DLC1: variants seen among roughly 807,000 people sequenced by gnomAD.
DLC1 encodes the protein DLC1 Rho GTPase activating protein, also known as rho GTPase-activating protein 7.
DLC1 carries 54 observed loss-of-function variants against 140.3 expected under a neutral mutation model. The observed-to-expected ratio is 0.38, with a 90% CI of 0.31 to 0.48. The LOEUF (loss-of-function observed/expected upper bound fraction) is 0.48. DLC1 is among the 20% of genes least tolerant of loss of function. The pLI, the probability that DLC1 is intolerant of heterozygous loss-of-function variation, is 0.96. For synonymous variants in DLC1, 986 were observed against 728.1 expected (o/e 1.35, Z -5.70); for missense variants, 2,536 against 1,907.0 (o/e 1.33, Z -6.14).
intron 1 of DLC1, among the ~76,000 whole-genome samples, chr8:13,541,383 C>T (rs1803479294): frequency 6.6e-6 from 1 of 152,170 alleles, no homozygotes; most frequent in Non-Finnish European, 1.5e-5. Context: ...CCAAACTGTT[C>T]CAATGTGGCT....
At chr8:13,092,851 T>C in intron 12 of DLC1, 26 bp from the exon 13 acceptor site, 2 of 1,600,882 alleles carry the variant, frequency 1.2e-6, no homozygotes, top group South Asian at 1.1e-5. Flanking sequence ...ACTTTCTCCA[T>C]CAGCTTGGTG....
At chr8:13,521,195 G>A (rs1563417790) in intron 1 of DLC1, among the ~76,000 whole-genome samples, 1 of 152,000 alleles carries the variant, frequency 6.6e-6, no homozygotes. Context: ...AAAGGGAGCT[G>A]AACAATGAAA....
chr8:13,435,780 G>T (rs1839094067), intron 2 of DLC1, among the ~76,000 whole-genome samples: 1 of 152,184 alleles, frequency 6.6e-6, no homozygotes, highest in African/African-American at 2.4e-5. Context: ...TGAAAGATAT[G>T]CTACTCTGGG....
chr8:13,390,996 G>GGA (rs1554510891), intron 4 of DLC1, among the ~76,000 whole-genome samples: 2 of 141,252 alleles, frequency 1.4e-5, no homozygotes, highest in Non-Finnish European at 3.0e-5. Flanking sequence ...AAAAAAAAAA[G>GGA]AAAAAAAAAA....
At chr8:13,171,513 C>A (rs529807190) in intron 5 of DLC1, among the ~76,000 whole-genome samples, 1 of 152,284 alleles carries the variant, frequency 6.6e-6, no homozygotes, top group African/African-American at 2.4e-5. Context: ...GTCTCAGCCT[C>A]ATGAGTAGCT....
rs77520072 is a variant in DLC1, at chr8:13,444,573, T to C, written c.1024-42954A>G. Among the ~76,000 whole-genome samples the C allele has an allele frequency of 3.1e-4, 47 of 152,314 alleles. No individual in the cohort carries two copies. The East Asian group carries it at 8.9e-3, about 29-fold the overall frequency. On this transcript the variant is annotated intron_variant, in intron 2 of 17. Transcript: ENST00000276297. Reference sequence around the variant, plus strand: ...CTACGAAAGGAACAAAGAACATTAGTATAATTTTAAAAAATCTTTAATTAT... The same window carrying C: ...CTACGAAAGGAACAAAGAACATTAGCATAATTTTAAAAAATCTTTAATTAT...
At chr8:13,402,038 T>A (rs922998710) in intron 2 of DLC1, among the ~76,000 whole-genome samples, 2 of 152,188 alleles carry the variant, frequency 1.3e-5, no homozygotes, top group African/African-American at 2.4e-5. Context: ...TTTGGAAGAC[T>A]CTTTTGCAGT....
chr8:13,409,397 C>T (rs1171901304), intron 2 of DLC1, among the ~76,000 whole-genome samples: 1 of 152,100 alleles, frequency 6.6e-6, no homozygotes, highest in African/African-American at 2.4e-5. Flanking sequence ...GTCATCCTCT[C>T]CCTCATTTGC....
chr8:13,576,489 A>C (rs1393898066), intron 1 of DLC1, among the ~76,000 whole-genome samples: 1 of 152,340 alleles, frequency 6.6e-6, no homozygotes, highest in Admixed American at 6.5e-5. Context: ...AAATGTAAAC[A>C]TAGAAATATG....
intron 1 of DLC1, among the ~76,000 whole-genome samples, chr8:13,564,714 G>T (rs1211443329): frequency 6.6e-6 from 1 of 152,152 alleles, no homozygotes; most frequent in Non-Finnish European, 1.5e-5. Context: ...CCTCTTTCTG[G>T]GGTTGGCCTT....
chr8:13,585,738 C>A (rs1364761798), intron 1 of DLC1, among the ~76,000 whole-genome samples: 1 of 152,054 alleles, frequency 6.6e-6, no homozygotes, highest in African/African-American at 2.4e-5. Flanking sequence ...GGAACATCAC[C>A]CTGATTTCTT....
Position 13,275,476 on chromosome 8 carries a change from T to C in DLC1, c.1348+29793A>G, listed in dbSNP as rs1205193375. On this transcript the variant is annotated intron_variant, in intron 5 of 17. Transcript: ENST00000276297. ...ATGTAGACGGCATAGGAACACAGAC[T>C]TAGAGAGCAAACAAGAAGGCACCAT... is the stretch of plus-strand genomic sequence containing the variant. Among the ~76,000 whole-genome samples, 7 of 152,104 alleles carry C rather than the reference T, an allele frequency of 4.6e-5. No homozygotes were observed. In the South Asian group the frequency reaches 1.5e-3, roughly 32 times the overall value.
chr8:13,276,531 C>T, intron 5 of DLC1: 2 of 1,290,912 alleles, frequency 1.5e-6, no homozygotes, highest in Non-Finnish European at 2.0e-6. Context: ...CACTGCGGCC[C>T]CGGGAAGCGC....
At chr8:13,135,951 G>A (rs531775961) in intron 5 of DLC1, among the ~76,000 whole-genome samples, 2 of 152,140 alleles carry the variant, frequency 1.3e-5, no homozygotes, top group South Asian at 2.1e-4. Context: ...CTTTCTTTTG[G>A]TGATGCATTG....
intron 5 of DLC1, among the ~76,000 whole-genome samples, chr8:13,259,764 A>C (rs1228398809): frequency 6.6e-6 from 1 of 151,926 alleles, no homozygotes; most frequent in African/African-American, 2.4e-5. Flanking sequence ...ATGAGGGTGC[A>C]TACCAGCACT....
intron 1 of DLC1, among the ~76,000 whole-genome samples, chr8:13,553,825 T>A (rs1803949175): frequency 6.6e-6 from 1 of 152,178 alleles, no homozygotes. Flanking sequence ...CATTAAAAAT[T>A]CTAATAGTTA....
intron 2 of DLC1, among the ~76,000 whole-genome samples, chr8:13,418,510 A>G (rs933119680): frequency 1.3e-5 from 2 of 152,194 alleles, no homozygotes; most frequent in African/African-American, 4.8e-5. Context: ...CATGTGTCAA[A>G]GATCAGATAG....
intron 5 of DLC1, among the ~76,000 whole-genome samples, chr8:13,283,088 A>G (rs183858969): frequency 1.3e-5 from 2 of 152,352 alleles, no homozygotes; most frequent in East Asian, 1.9e-4. Flanking sequence ...ATATACATTC[A>G]GTGATGATTT....
At chr8:13,586,768 C>T (rs1383700392) in intron 1 of DLC1, among the ~76,000 whole-genome samples, 1 of 152,012 alleles carries the variant, frequency 6.6e-6, no homozygotes, top group Non-Finnish European at 1.5e-5. Flanking sequence ...AGTCAAAATA[C>T]AGAACAGTTC....
Sources: allele counts gnomAD v4.1 joint callset (sites outside exome capture counted in the v4.1 genomes callset), GRCh38; gene constraint gnomAD v4.1.1; transcripts MANE v1.5; gene names NCBI Gene and HGNC (gene_info 2026-07-23, HGNC 2026-07-21).